ILRUN: variants seen among roughly 807,000 people sequenced by gnomAD.
The protein encoded by ILRUN is protein ILRUN.
Under a neutral mutation model 33.8 loss-of-function variants are expected in ILRUN, and 3 were observed. The ratio of observed to expected loss-of-function variants is 0.09; its 90% CI spans 0.04 to 0.23. The LOEUF (loss-of-function observed/expected upper bound fraction) is 0.23, where lower values mean the gene tolerates loss of function less well. Among genes scored for constraint, ILRUN ranks in the 10% least tolerant of loss-of-function variants. ILRUN has a pLI of 1.00. For missense variants in ILRUN, 210 were observed against 375.1 expected (o/e 0.56, Z 3.64); for synonymous variants, 124 against 138.9 (o/e 0.89, Z 0.75).
At chr6:34,684,370 C>T (rs1223547865) in intron 1 of ILRUN, among the ~76,000 whole-genome samples, 1 of 152,182 alleles carries the variant, frequency 6.6e-6, no homozygotes, top group Non-Finnish European at 1.5e-5. Flanking sequence ...TCAATGGAAA[C>T]ACAATGGCAA....
chr6:34,593,952 C>T (rs554748677), intron 4 of ILRUN, among the ~76,000 whole-genome samples: 4 of 152,222 alleles, frequency 2.6e-5, no homozygotes, highest in Non-Finnish European at 5.9e-5. Flanking sequence ...ATCGCGGTAC[C>T]TTCTGGATGG....
chr6:34,675,751 T>C (rs1763215855), intron 1 of ILRUN, among the ~76,000 whole-genome samples: 1 of 151,816 alleles, frequency 6.6e-6, no homozygotes, highest in Non-Finnish European at 1.5e-5. Context: ...ACAGCTCACA[T>C]AAATCAATGA....
intron 3 of ILRUN, among the ~76,000 whole-genome samples, chr6:34,643,314 A>C (rs1762509075): frequency 6.6e-6 from 1 of 150,688 alleles, no homozygotes; most frequent in Admixed American, 6.6e-5. Context: ...AAAAAAAAAA[A>C]GTGCGTGTGT....
At chr6:34,675,044 G>A (rs1195926984) in intron 1 of ILRUN, among the ~76,000 whole-genome samples, 1 of 152,186 alleles carries the variant, frequency 6.6e-6, no homozygotes, top group Non-Finnish European at 1.5e-5. Flanking sequence ...ACTTTCGGAG[G>A]CCCAGGTGGG....
At chr6:34,632,415 T>G (rs1216963792) in intron 3 of ILRUN, among the ~76,000 whole-genome samples, 1 of 152,054 alleles carries the variant, frequency 6.6e-6, no homozygotes, top group Non-Finnish European at 1.5e-5. Context: ...CACTCCAGCC[T>G]GGGCGACAGA....
At position 34,646,589 on chromosome 6, in the gene ILRUN, G is replaced by C. The variant is rs896192766; in HGVS notation, c.511+12C>G. ...AGTTCCTTTACCCTGGGCTGCACAA[G>C]GACATACTCACCTCCATAGTAGAGT... On this transcript the variant is annotated intron_variant, in intron 3 of 4. Transcript: ENST00000374023. This position sits in a 1 kb window ranked among gnomAD's most constrained non-coding sequence, Gnocchi z 4.9. 3.1e-6 allele frequency: 5 copies of C among 1,612,858 alleles called. No individual in the cohort carries two copies. Among genetic ancestry groups the C allele is most frequent in the Non-Finnish European group, 4.2e-6 (5 of 1,179,188 alleles).
intron 1 of ILRUN, among the ~76,000 whole-genome samples, chr6:34,665,282 C>T (rs933276038): frequency 4.2e-5 from 6 of 142,224 alleles, no homozygotes; most frequent in African/African-American, 1.6e-4. Context: ...ACAGGGAGAC[C>T]CCTTTTCTAC....
In ILRUN at chr6:34,632,006, G is replaced by T. The variant is rs1762256110; in HGVS notation, c.511+14595C>A. Among the ~76,000 whole-genome samples, 3 of 152,172 alleles carry T rather than the reference G, an allele frequency of 2.0e-5. No homozygotes were observed. In the South Asian group the frequency reaches 6.2e-4, roughly 32 times the overall value. On this transcript the variant is annotated intron_variant, in intron 3 of 4. Transcript: ENST00000374023. ...TTTTAAAAGTATTTAATGTTAAGGG[G>T]AAGAAGTTCTAAAACATTAGTGAAT...
chr6:34,630,387 C>A (rs1387573356), intron 3 of ILRUN, among the ~76,000 whole-genome samples: 1 of 152,068 alleles, frequency 6.6e-6, no homozygotes, highest in Non-Finnish European at 1.5e-5. Flanking sequence ...TTCTGGGCTT[C>A]TTTTGTTTTG....
intron 4 of ILRUN, among the ~76,000 whole-genome samples, chr6:34,605,554 G>A (rs149363722): frequency 1.9e-3 from 286 of 152,112 alleles, no homozygotes; most frequent in African/African-American, 6.3e-3. Context: ...TCTTGAGCCC[G>A]GGAGGTGGAG....
chr6:34,679,864 A>T (rs987281937), intron 1 of ILRUN, among the ~76,000 whole-genome samples: 5 of 152,264 alleles, frequency 3.3e-5, no homozygotes, highest in African/African-American at 1.2e-4. Context: ...AGAGTGATAC[A>T]GCTACAAGCC....
chr6:34,632,374 G>T (rs1026433979), intron 3 of ILRUN, among the ~76,000 whole-genome samples: 7 of 152,014 alleles, frequency 4.6e-5, no homozygotes, highest in South Asian at 2.1e-4. Flanking sequence ...CTGGGAGGCG[G>T]AGGTTGCAGT....
At chr6:34,648,692 T>C (rs894307776) in intron 2 of ILRUN, among the ~76,000 whole-genome samples, 1 of 152,202 alleles carries the variant, frequency 6.6e-6, no homozygotes, top group East Asian at 1.9e-4. Flanking sequence ...AAAATGTCAG[T>C]CTCCTTAAAG....
Position 34,590,349 on chromosome 6 carries a change from A to T in ILRUN, c.*216T>A. The stretch of plus-strand genomic sequence containing the variant: ...GTGGCTGCATGGATTTCTTCTTGGT[A>T]GCCTCAACACCATTCCTGTGATTCA... On this transcript the variant is annotated 3_prime_UTR_variant, in exon 5 of 5. Coordinates refer to ENST00000374023, the MANE Select transcript of ILRUN (RefSeq NM_024294.4). The T allele has an allele frequency of 2.2e-6, 1 of 445,016 alleles. No homozygotes were observed. Among genetic ancestry groups the T allele is most frequent in the South Asian group, 6.0e-5 (1 of 16,748 alleles). The allele number at this position is 445,016 out of a possible 1,614,324, so 27.6% of individuals were successfully genotyped here.
intron 1 of ILRUN, among the ~76,000 whole-genome samples, chr6:34,656,118 C>G (rs1308248446): frequency 6.6e-6 from 1 of 151,738 alleles, no homozygotes; most frequent in African/African-American, 2.4e-5. Flanking sequence ...CACCTGTAAT[C>G]CCAGCTACTC....
chr6:34,605,558 G>A (rs1761611907), intron 4 of ILRUN, among the ~76,000 whole-genome samples: 3 of 152,100 alleles, frequency 2.0e-5, no homozygotes, highest in African/African-American at 4.8e-5. Flanking sequence ...GAGCCCGGGA[G>A]GTGGAGGTTG....
intron 1 of ILRUN, among the ~76,000 whole-genome samples, chr6:34,673,482 C>T (rs1051582706): frequency 6.6e-6 from 1 of 152,146 alleles, no homozygotes; most frequent in Non-Finnish European, 1.5e-5. Flanking sequence ...TTATCACCCT[C>T]AGGGCAGCAA....
chr6:34,632,825 A>G (rs1762276225), intron 3 of ILRUN, among the ~76,000 whole-genome samples: 1 of 152,122 alleles, frequency 6.6e-6, no homozygotes, highest in Admixed American at 6.5e-5. Context: ...GCCCGGCCAG[A>G]GCAAATACAT....
chr6:34,672,367 G>T (rs1763135921), intron 1 of ILRUN, among the ~76,000 whole-genome samples: 1 of 152,096 alleles, frequency 6.6e-6, no homozygotes, highest in African/African-American at 2.4e-5. Flanking sequence ...GAGATTACAG[G>T]TGTGAGCCAC....
Sources: allele counts gnomAD v4.1 joint callset (sites outside exome capture counted in the v4.1 genomes callset), GRCh38; gene constraint gnomAD v4.1.1; non-coding constraint Gnocchi (gnomAD v3.1); transcripts MANE v1.5; gene names NCBI Gene and HGNC (gene_info 2026-07-23, HGNC 2026-07-21).